Variants in DCC observed in about 807,000 individuals in gnomAD.
DCC encodes netrin receptor DCC.
A neutral mutation model predicts 172.5 loss-of-function variants in DCC; 58 were observed. That is an observed-to-expected ratio of 0.34 (90% CI 0.27 to 0.42). The LOEUF (loss-of-function observed/expected upper bound fraction) is 0.42. Ranked by LOEUF, DCC falls within the 10% of genes least tolerant of loss-of-function variation. The probability of loss-of-function intolerance (pLI) is 1.00; values close to 1 mark genes in which losing one functional copy is unlikely to be tolerated. For missense variants in DCC, 1,740 were observed against 1,791.0 expected (o/e 0.97, Z 0.51); for synonymous variants, 709 against 644.5 (o/e 1.10, Z -1.52).
At chr18:52,664,473 TTTC>T (rs1469918641) in intron 1 of DCC, among the ~76,000 whole-genome samples, 14 of 123,444 alleles carry the variant, frequency 1.1e-4, no homozygotes, top group Non-Finnish European at 1.7e-4. Flanking sequence ...TCTTTTTCTT[TTTC>T]TTTTTTTTTT....
chr18:53,427,932 A>G lies in DCC; in HGVS notation c.3164-7212A>G, dbSNP rs370334484. On this transcript the variant is annotated intron_variant, in intron 21 of 28. Coordinates refer to ENST00000442544, the MANE Select transcript of DCC (RefSeq NM_005215.4). The stretch of plus-strand genomic sequence containing the variant: ...TATATAATAATATAATATATAATAT[A>G]ATATAATATATTATAATATATAATA... 1.2e-4 allele frequency among the ~76,000 whole-genome samples: 4 copies of G among 34,000 alleles called. 1 individual carries two copies. In the East Asian group the frequency reaches 2.3e-3, roughly 19 times the overall value. The allele number at this position is 34,000 out of a possible 152,430, so 22.3% of individuals were successfully genotyped here.
intron 1 of DCC, among the ~76,000 whole-genome samples, chr18:52,370,846 G>A (rs114644041): frequency 0.011 from 1,740 of 152,288 alleles, 32 homozygotes; most frequent in African/African-American, 0.039. Flanking sequence ...TTTTGATGGA[G>A]AAGAAAGGAA....
chr18:52,641,047 C>A (rs1351359115), intron 1 of DCC, among the ~76,000 whole-genome samples: 11 of 152,012 alleles, frequency 7.2e-5, no homozygotes, highest in African/African-American at 2.4e-4. Context: ...AATAGAAAAG[C>A]CAGAAATTGA....
At chr18:53,241,317 C>G (rs1228708109) in intron 12 of DCC, among the ~76,000 whole-genome samples, 2 of 152,166 alleles carry the variant, frequency 1.3e-5, no homozygotes, top group African/African-American at 2.4e-5. Context: ...AAGTGACAGT[C>G]AAGCCTTTAA....
Position 52,427,563 on chromosome 18 carries a change from A to G in DCC, c.91+86685A>G, listed in dbSNP as rs1322734011. On this transcript the variant is annotated intron_variant, in intron 1 of 28. Coordinates refer to ENST00000442544, the MANE Select transcript of DCC (RefSeq NM_005215.4). ...GTGCGACTGCAGATATTGAAGACAA[A>G]TATACTCCCAATCTAAAGGATCATC... 2.6e-5 allele frequency among the ~76,000 whole-genome samples: 4 copies of G among 152,028 alleles called. No individual in the cohort carries two copies. The South Asian group carries it at 6.2e-4, about 24-fold the overall frequency.
chr18:52,680,131 G>T (rs2035720074), intron 1 of DCC, among the ~76,000 whole-genome samples: 1 of 152,092 alleles, frequency 6.6e-6, no homozygotes, highest in East Asian at 1.9e-4. Context: ...TTGGGTTCTT[G>T]GGACTGAGCA....
At chr18:53,317,098 A>G (rs2057352310) in intron 13 of DCC, among the ~76,000 whole-genome samples, 1 of 152,142 alleles carries the variant, frequency 6.6e-6, no homozygotes, top group Admixed American at 6.5e-5. Context: ...AGTAGCTCAT[A>G]TTATTTTGAG....
At position 53,023,418 on chromosome 18, in the gene DCC, A is replaced by G. The variant is rs996861507; in HGVS notation, c.986-39887A>G. Among the ~76,000 whole-genome samples, 37 of 145,440 alleles carry G rather than the reference A, an allele frequency of 2.5e-4. 2 individuals carry two copies. The highest frequency in any genetic ancestry group is 9.5e-4 in the African/African-American group (37 of 39,054). Reference sequence around the variant, plus strand: ...ACTCAGACCAAAAAAAAAAAAAAAAAAAAAAAAAAAAGATTCTTCTTATGC... The same window carrying G: ...ACTCAGACCAAAAAAAAAAAAAAAAGAAAAAAAAAAAGATTCTTCTTATGC... On this transcript the variant is annotated intron_variant, in intron 5 of 28. Coordinates refer to ENST00000442544, the MANE Select transcript of DCC (RefSeq NM_005215.4).
At chr18:52,642,075 TATATACAC>T (rs1348788148) in intron 1 of DCC, among the ~76,000 whole-genome samples, 3,772 of 34,818 alleles carry the variant, frequency 0.11, 180 homozygotes, top group Middle Eastern at 0.25. Flanking sequence ...TATATATATA[TATATACAC>T]ACACACACAC....
At chr18:52,378,589 C>G (rs929605717) in intron 1 of DCC, among the ~76,000 whole-genome samples, 1 of 152,062 alleles carries the variant, frequency 6.6e-6, no homozygotes, top group African/African-American at 2.4e-5. Flanking sequence ...CACTGTTGCA[C>G]AAGCTGGAGT....
At chr18:52,958,155 ATTG>A (rs1468663533) in intron 5 of DCC, among the ~76,000 whole-genome samples, 5 of 152,102 alleles carry the variant, frequency 3.3e-5, no homozygotes, top group South Asian at 4.2e-4. Flanking sequence ...CTTTTTTCAT[ATTG>A]TTCTTTCTTT....
chr18:52,714,200 A>C (rs1325361860), intron 1 of DCC, among the ~76,000 whole-genome samples: 2 of 152,230 alleles, frequency 1.3e-5, no homozygotes, highest in East Asian at 1.9e-4. Context: ...AGTCTATCTG[A>C]CCACAGGGTC....
At chr18:52,631,340 T>C (rs1421117587) in intron 1 of DCC, among the ~76,000 whole-genome samples, 1 of 152,040 alleles carries the variant, frequency 6.6e-6, no homozygotes, top group Non-Finnish European at 1.5e-5. Context: ...AGAGGAAAGA[T>C]GCATGAGTAA....
chr18:52,809,163 T>C (rs1462897179), intron 2 of DCC: 2 of 152,236 alleles, frequency 1.3e-5, no homozygotes, highest in African/African-American at 4.8e-5. Flanking sequence ...TTTGAGGGCA[T>C]CTTTAGAACA....
chr18:53,448,152 G>T (rs1357755680), intron 22 of DCC, among the ~76,000 whole-genome samples: 1 of 144,048 alleles, frequency 6.9e-6, no homozygotes, highest in East Asian at 2.2e-4. Context: ...ATATTAAATT[G>T]TGAGAATAGG....
At chr18:53,502,553 A>AAAG (rs1357497931) in intron 27 of DCC, among the ~76,000 whole-genome samples, 1,339 of 152,316 alleles carry the variant, frequency 8.8e-3, no homozygotes, top group African/African-American at 0.031. Flanking sequence ...ACAAGTTTTG[A>AAAG]TTCTAAGAAA....
chr18:52,818,035 A>C (rs1248859008), intron 2 of DCC: 1 of 152,158 alleles, frequency 6.6e-6, no homozygotes, highest in Non-Finnish European at 1.5e-5. Context: ...TCCTAAGTCT[A>C]ATTTTATGCT....
intron 1 of DCC, among the ~76,000 whole-genome samples, chr18:52,464,897 A>G (rs1165909880): frequency 6.6e-6 from 1 of 152,074 alleles, no homozygotes; most frequent in African/African-American, 2.4e-5. Flanking sequence ...GGAGACTAAT[A>G]TCTTTATTGG....
intron 3 of DCC, among the ~76,000 whole-genome samples, chr18:52,919,977 G>C (rs1199104939): frequency 2.3e-5 from 3 of 132,786 alleles, no homozygotes; most frequent in African/African-American, 8.6e-5. Flanking sequence ...GAAAAAAATC[G>C]CCTTTTCAAC....
Sources: gnomAD v4.1 joint callset for allele counts (sites outside exome capture counted in the v4.1 genomes callset) on GRCh38, gnomAD v4.1.1 for gene constraint, MANE v1.5 for transcripts, NCBI Gene and HGNC (gene_info 2026-07-23, HGNC 2026-07-21) for gene names.